Variants in ZDHHC6 observed in about 807,000 individuals in gnomAD.
The protein encoded by ZDHHC6 is zDHHC palmitoyltransferase 6.
A neutral mutation model predicts 57.8 loss-of-function variants in ZDHHC6; 32 were observed. The observed-to-expected ratio is 0.55, with a 90% CI of 0.42 to 0.74. The LOEUF (loss-of-function observed/expected upper bound fraction) is 0.74. Ranked by LOEUF, ZDHHC6 falls within the 30% of genes least tolerant of loss-of-function variation. ZDHHC6 has a pLI of 0.00. For missense variants in ZDHHC6, 433 were observed against 500.7 expected (o/e 0.86, Z 1.29); for synonymous variants, 128 against 158.0 (o/e 0.81, Z 1.42).
chr10:112,432,266 T>A lies in ZDHHC6; in HGVS notation c.1112A>T (p.Lys371Ile). 3 of 1,607,734 alleles carry A rather than the reference T, an allele frequency of 1.9e-6. No homozygotes were observed. Among genetic ancestry groups the A allele is most frequent in the Non-Finnish European group, 2.5e-6 (3 of 1,178,430 alleles). The change falls in exon 10 of 11, where the codon AAA becomes ATA. Residue 371 changes from lysine (K) to isoleucine (I), a missense_variant. Coordinates refer to ENST00000369405, the MANE Select transcript of ZDHHC6 (RefSeq NM_022494.3). ...RGLRYWLYGD[K>I]ILDDSFIEGV... ...TTCTATAAAGGAATCATCAAGAATT[T>A]TGTCTCCATATAACCAGTATCTGAA...
chr10:112,446,787 C>G lies in ZDHHC6; in HGVS notation c.-297G>C, dbSNP rs1270789001. 1 of 169,866 alleles carries G rather than the reference C, an allele frequency of 5.9e-6. No homozygotes were observed. The highest frequency in any genetic ancestry group is 2.4e-5 in the African/African-American group (1 of 41,962). The allele number at this position is 169,866 out of a possible 1,614,324, so 10.5% of individuals were successfully genotyped here. ...CTCACCCGGAACAGATTTTTTCCTC[C>G]TTGGATGACTCCGTCATGGACACCT... On this transcript the variant is annotated 5_prime_UTR_variant, in exon 1 of 11. Transcript: ENST00000369405.
At chr10:112,430,959 A>G (rs768816212) in intron 10 of ZDHHC6, 52 bp from the exon 11 acceptor site, 2 of 1,471,716 alleles carry the variant, frequency 1.4e-6, no homozygotes, top group East Asian at 4.5e-5. Context: ...TGACAGTGAC[A>G]TTACTGAAAG....
chr10:112,438,299 C>CT, intron 6 of ZDHHC6, 37 bp downstream of exon 6: 1 of 1,241,374 alleles, frequency 8.1e-7, no homozygotes, highest in East Asian at 3.0e-5. Flanking sequence ...TATTAATATA[C>CT]TTTTTTAATA....
chr10:112,433,740 T>C (rs937612159), intron 7 of ZDHHC6, among the ~76,000 whole-genome samples: 1 of 152,170 alleles, frequency 6.6e-6, no homozygotes, highest in Non-Finnish European at 1.5e-5. Flanking sequence ...CTATATTAGA[T>C]ATAATAGGAG....
At chr10:112,437,988 G>C (rs1468219842) in intron 6 of ZDHHC6, among the ~76,000 whole-genome samples, 1 of 152,162 alleles carries the variant, frequency 6.6e-6, no homozygotes, top group Admixed American at 6.5e-5. Flanking sequence ...AGAAAAACCT[G>C]ATGGCAGTTT....
At chr10:112,446,458 G>T (rs1178572516) in intron 1 of ZDHHC6, 1 of 152,208 alleles carries the variant, frequency 6.6e-6, no homozygotes, top group East Asian at 1.9e-4. Context: ...GCCTGGACTG[G>T]ATCTGAAGAT....
chr10:112,438,422 G>A, intron 5 of ZDHHC6, 33 bp from the exon 6 acceptor site: 2 of 1,327,750 alleles, frequency 1.5e-6, no homozygotes, highest in Non-Finnish European at 2.0e-6. Context: ...ATTTAATAAT[G>A]CGACCTTGGT....
chr10:112,438,657 T>A (rs1845780102), intron 5 of ZDHHC6, among the ~76,000 whole-genome samples: 1 of 152,018 alleles, frequency 6.6e-6, no homozygotes, highest in African/African-American at 2.4e-5. Flanking sequence ...AAACTTTATG[T>A]CATAAGTACT....
chr10:112,446,930 T>G (rs913970992), upstream of ZDHHC6: 3 of 211,418 alleles, frequency 1.4e-5, no homozygotes, highest in African/African-American at 6.8e-5. Context: ...TCAGGCCCCC[T>G]GCGCAGTCTC....
chr10:112,442,209 T>C lies in ZDHHC6; in HGVS notation c.502A>G (p.Thr168Ala), dbSNP rs757641144. ...TCACTTACCCGATGATAAAGCTGTG[T>C]GTACATAGTCATCACAAAAATGAAA... ...AAFIFVMTMY[T>A]QLYHRLSFGW... Residue 168 changes from threonine to alanine, a missense_variant, in exon 4 of 11, where the codon ACA (threonine) becomes GCA (alanine). Physicochemically the swap from Thr to Ala is moderately conservative, Grantham distance 58. Transcript: ENST00000369405. 36 of 1,611,912 alleles carry C rather than the reference T, an allele frequency of 2.2e-5. No individual in the cohort carries two copies. The highest frequency in any genetic ancestry group is 2.6e-5 in the Non-Finnish European group (31 of 1,179,494).
At chr10:112,427,514 G>A (rs566062494), downstream of ZDHHC6, 73 of 589,596 alleles carry the variant, frequency 1.2e-4, 1 homozygote, top group South Asian at 2.5e-3. Context: ...GACATATAAT[G>A]TGTAAACTTA....
At chr10:112,439,669 AGAAT>A (rs1564763131) in intron 5 of ZDHHC6, among the ~76,000 whole-genome samples, 2 of 108,562 alleles carry the variant, frequency 1.8e-5, no homozygotes, top group Admixed American at 1.2e-4. Context: ...AAAAAAAAAA[AGAAT>A]GAAAAAGAAT....
intron 7 of ZDHHC6, among the ~76,000 whole-genome samples, chr10:112,433,930 C>A (rs974656230): frequency 2.6e-5 from 4 of 151,902 alleles, no homozygotes; most frequent in African/African-American, 7.3e-5. Context: ...AAGACTGGAA[C>A]GAGTCTTAAT....
upstream of ZDHHC6, chr10:112,447,050 A>T: frequency 6.5e-6 from 2 of 309,656 alleles, no homozygotes. Flanking sequence ...CGAAGGGGGG[A>T]AAAAACGCTT....
downstream of ZDHHC6, among the ~76,000 whole-genome samples, chr10:112,429,330 C>T (rs1028425117): frequency 1.3e-4 from 20 of 152,314 alleles, no homozygotes; most frequent in African/African-American, 4.8e-4. Flanking sequence ...AGACACAGGT[C>T]CAGCCTGTTT....
intron 1 of ZDHHC6, among the ~76,000 whole-genome samples, chr10:112,446,054 G>A (rs1284652373): frequency 6.6e-6 from 1 of 152,172 alleles, no homozygotes; most frequent in East Asian, 1.9e-4. Context: ...CAAGTAACAG[G>A]TGAACCAGAA....
At chr10:112,443,448 T>C (rs374704831) in intron 3 of ZDHHC6, 67 bp downstream of exon 3, 4 of 1,363,898 alleles carry the variant, frequency 2.9e-6, no homozygotes, top group Middle Eastern at 1.8e-4. Flanking sequence ...TAATGTAGTA[T>C]AAGCAACAAT....
At position 112,431,257 on chromosome 10, in the gene ZDHHC6, C is replaced by A. The variant is rs12414780; in HGVS notation, c.1139-350G>T. 3.1e-3 allele frequency among the ~76,000 whole-genome samples: 470 copies of A among 151,904 alleles called. 1 individual carries two copies. Among genetic ancestry groups the A allele is most frequent in the Non-Finnish European group, 5.3e-3 (363 of 67,938 alleles). On this transcript the variant is annotated intron_variant, in intron 10 of 10. Transcript: ENST00000369405. ...CCATCACACTGTCTTTTCCAGGGAACTATCTTCTTGTAGTCTTTGTAAATT... is the reference window on the plus strand; with the variant it reads ...CCATCACACTGTCTTTTCCAGGGAAATATCTTCTTGTAGTCTTTGTAAATT...
chr10:112,442,175 T>C lies in ZDHHC6; in HGVS notation c.519+17A>G. On this transcript the variant is annotated intron_variant, in intron 4 of 10. Transcript: ENST00000369405. ...GCATGGATGATTTTATAACAAAACA[T>C]TTTCATTTTCACTTACCCGATGATA... is the stretch of plus-strand genomic sequence containing the variant. The C allele has an allele frequency of 6.3e-7, 1 of 1,589,978 alleles. No individual in the cohort carries two copies. Among genetic ancestry groups the C allele is most frequent in the South Asian group, 1.2e-5 (1 of 86,732 alleles).
Sources: gnomAD v4.1 joint callset for allele counts (sites outside exome capture counted in the v4.1 genomes callset) on GRCh38, gnomAD v4.1.1 for gene constraint, MANE v1.5 for transcripts, NCBI Gene and HGNC (gene_info 2026-07-23, HGNC 2026-07-21) for gene names.